Variants in KANSL1L observed in about 807,000 individuals in gnomAD.
KANSL1L encodes the protein KAT8 regulatory NSL complex subunit 1 like.
Under a neutral mutation model 108.6 loss-of-function variants are expected in KANSL1L, and 25 were observed. The ratio of observed to expected loss-of-function variants is 0.23; its 90% CI spans 0.17 to 0.32. The LOEUF is 0.32. Ranked by LOEUF, KANSL1L falls within the 10% of genes least tolerant of loss-of-function variation. KANSL1L has a pLI of 1.00. For synonymous variants in KANSL1L, 405 were observed against 395.1 expected (o/e 1.03, Z -0.30); for missense variants, 1,137 against 1,125.7 (o/e 1.01, Z -0.14).
At chr2:210,142,215 C>T (rs541147562) in intron 2 of KANSL1L, among the ~76,000 whole-genome samples, 10 of 151,854 alleles carry the variant, frequency 6.6e-5, no homozygotes, top group Non-Finnish European at 1.5e-4. Flanking sequence ...TTTTCTATTT[C>T]TTCATGATTC....
chr2:210,050,832 C>T (rs1027546140), intron 6 of KANSL1L, among the ~76,000 whole-genome samples: 3 of 152,068 alleles, frequency 2.0e-5, no homozygotes, highest in Non-Finnish European at 4.4e-5. Flanking sequence ...CCACACTCCA[C>T]TCCAGGGCTC....
At chr2:210,070,108 C>A (rs11899048) in intron 6 of KANSL1L, among the ~76,000 whole-genome samples, 1 of 150,582 alleles carries the variant, frequency 6.6e-6, no homozygotes, top group Admixed American at 6.6e-5. Context: ...AGATTACAGG[C>A]GTGAGCCACT....
chr2:210,168,074 CATG>C (rs1688093257), intron 1 of KANSL1L, among the ~76,000 whole-genome samples: 1 of 152,070 alleles, frequency 6.6e-6, no homozygotes, highest in Non-Finnish European at 1.5e-5. Flanking sequence ...TCAGGGTCAT[CATG>C]ATGTAAATTA....
At chr2:210,129,343 T>C (rs1460578672) in intron 2 of KANSL1L, among the ~76,000 whole-genome samples, 171 bp from the exon 3 acceptor site, 1 of 152,160 alleles carries the variant, frequency 6.6e-6, no homozygotes, top group African/African-American at 2.4e-5. Flanking sequence ...AAAGATATAA[T>C]TTTCCTACCT....
chr2:210,114,973 A>G (rs1057196121), intron 3 of KANSL1L, among the ~76,000 whole-genome samples: 5 of 152,142 alleles, frequency 3.3e-5, no homozygotes, highest in Non-Finnish European at 5.9e-5. Context: ...AAATTTAAAC[A>G]TTTCAGTGTC....
chr2:210,128,357 C>T (rs1365831882), intron 3 of KANSL1L, among the ~76,000 whole-genome samples: 1 of 152,070 alleles, frequency 6.6e-6, no homozygotes, highest in Non-Finnish European at 1.5e-5. Flanking sequence ...GGAAGCAACC[C>T]AAGTGTCCAT....
At chr2:210,120,645 T>C (rs1382243509) in intron 3 of KANSL1L, among the ~76,000 whole-genome samples, 3 of 152,072 alleles carry the variant, frequency 2.0e-5, no homozygotes, top group Non-Finnish European at 4.4e-5. Context: ...AATTGACAAA[T>C]GTATACTAAC....
intron 2 of KANSL1L, among the ~76,000 whole-genome samples, chr2:210,146,810 A>G (rs1575614948): frequency 6.6e-6 from 1 of 152,230 alleles, no homozygotes; most frequent in Non-Finnish European, 1.5e-5. Context: ...ATATACAAGC[A>G]ATCTGATGCT....
intron 2 of KANSL1L, among the ~76,000 whole-genome samples, chr2:210,145,484 A>G (rs2095259030): frequency 6.6e-6 from 1 of 152,226 alleles, no homozygotes; most frequent in Non-Finnish European, 1.5e-5. Context: ...CCAAAGCAGC[A>G]GCACACACAC....
chr2:210,139,949 C>T (rs1384065248), intron 2 of KANSL1L, among the ~76,000 whole-genome samples: 1 of 151,980 alleles, frequency 6.6e-6, no homozygotes, highest in Non-Finnish European at 1.5e-5. Context: ...TGACATGTTA[C>T]CCAAGCTGGT....
At chr2:210,113,779 T>C (rs1246086018) in intron 3 of KANSL1L, among the ~76,000 whole-genome samples, 1 of 152,132 alleles carries the variant, frequency 6.6e-6, no homozygotes, top group Non-Finnish European at 1.5e-5. Context: ...CTGAAAAGTA[T>C]AATAACTGAA....
intron 3 of KANSL1L, among the ~76,000 whole-genome samples, chr2:210,119,424 T>A (rs186983105): frequency 1.3e-5 from 2 of 152,294 alleles, no homozygotes; most frequent in Admixed American, 1.3e-4. Flanking sequence ...CTGATTATAT[T>A]GATGCAGAAG....
At chr2:210,111,678 G>C (rs1411507075) in intron 3 of KANSL1L, among the ~76,000 whole-genome samples, 1 of 151,944 alleles carries the variant, frequency 6.6e-6, no homozygotes, top group African/African-American at 2.4e-5. Context: ...TAAGAATGCA[G>C]AACATCAAAT....
chr2:210,088,809 G>T (rs1229612272), intron 5 of KANSL1L: 2 of 152,256 alleles, frequency 1.3e-5, no homozygotes, highest in Non-Finnish European at 2.9e-5. Context: ...ATTGCTCTCA[G>T]CAATATGAAA....
At chr2:210,156,429 T>C (rs1301189709) in intron 1 of KANSL1L, among the ~76,000 whole-genome samples, 2 of 151,980 alleles carry the variant, frequency 1.3e-5, no homozygotes, top group Non-Finnish European at 1.5e-5. Context: ...AATCTAGATG[T>C]CTAACAATAA....
At chr2:210,168,099 T>G (rs2125693163) in intron 1 of KANSL1L, among the ~76,000 whole-genome samples, 2 of 152,242 alleles carry the variant, frequency 1.3e-5, no homozygotes, top group South Asian at 4.1e-4. Context: ...TCCATTAAAG[T>G]ACTATAATGC....
intron 7 of KANSL1L, among the ~76,000 whole-genome samples, chr2:210,043,152 G>C (rs2094185066): frequency 6.6e-6 from 1 of 152,100 alleles, no homozygotes; most frequent in Admixed American, 6.6e-5. Flanking sequence ...TTGGGAGGTT[G>C]AGGTGGGAGG....
chr2:210,029,693 TA>T, intron 10 of KANSL1L, 109 bp downstream of exon 10: 1 of 488,030 alleles, frequency 2.0e-6, no homozygotes, highest in Admixed American at 3.7e-5. Context: ...AAATGTCTGT[TA>T]ATATGTGCTA....
At position 210,154,286 on chromosome 2, in the gene KANSL1L, C is replaced by A. The variant is rs767840620; in HGVS notation, c.297G>T (p.Lys99Asn). ...TATTGCAACTGGGCTCCCCTAATTT[C>A]TTTTGTTTATAATTCTCATTGTGTT... ...LNKHNENYKQ[K>N]KLGEPSCNKL... Residue 99 changes from lysine to asparagine, a missense_variant, in exon 2 of 15, where the codon AAG (lysine) becomes AAT (asparagine). Transcript: ENST00000281772. 2 of 1,613,412 alleles carry A rather than the reference C, an allele frequency of 1.2e-6. No individual in the cohort carries two copies. Among genetic ancestry groups the A allele is most frequent in the Non-Finnish European group, 1.7e-6 (2 of 1,179,614 alleles).
Sources: gnomAD v4.1 joint callset for allele counts (sites outside exome capture counted in the v4.1 genomes callset) on GRCh38, gnomAD v4.1.1 for gene constraint, MANE v1.5 for transcripts, NCBI Gene and HGNC (gene_info 2026-07-23, HGNC 2026-07-21) for gene names.